The following ZBTB46 variants were observed in gnomAD, a reference collection of about 807,000 sequenced individuals.
The protein encoded by ZBTB46 is zinc finger and BTB domain containing 46, also known as zinc finger and BTB domain-containing protein 46.
A neutral mutation model predicts 44.1 loss-of-function variants in ZBTB46; 8 were observed. That is an observed-to-expected ratio of 0.18 (90% CI 0.11 to 0.33). The LOEUF (loss-of-function observed/expected upper bound fraction) is 0.33. ZBTB46 is among the 10% of genes least tolerant of loss of function. The probability of loss-of-function intolerance (pLI) is 1.00; values close to 1 mark genes in which losing one functional copy is unlikely to be tolerated. For synonymous variants in ZBTB46, 409 were observed against 382.3 expected (o/e 1.07, Z -0.81); for missense variants, 651 against 847.7 (o/e 0.77, Z 2.88).
intron 3 of ZBTB46, among the ~76,000 whole-genome samples, chr20:63,755,409 G>T (rs1191776771): frequency 6.6e-6 from 1 of 152,218 alleles, no homozygotes; most frequent in African/African-American, 2.4e-5. Context: ...CCCTTGGCTT[G>T]TGACCGCATC....
At chr20:63,813,931 T>TG (rs1389170261) in intron 1 of ZBTB46, among the ~76,000 whole-genome samples, 1 of 151,738 alleles carries the variant, frequency 6.6e-6, no homozygotes, top group Admixed American at 6.6e-5. Flanking sequence ...TTAAAACACT[T>TG]GAGAGAAAAA....
chr20:63,770,691 G>A (rs1036236803), intron 3 of ZBTB46, among the ~76,000 whole-genome samples: 38 of 152,146 alleles, frequency 2.5e-4, no homozygotes, highest in African/African-American at 9.1e-4. Context: ...GAATTGCCAC[G>A]GCCGGACGCT....
intron 2 of ZBTB46, 136 bp from the exon 3 acceptor site, chr20:63,776,098 G>C: frequency 8.7e-7 from 1 of 1,154,622 alleles, no homozygotes; most frequent in East Asian, 2.8e-5. Context: ...GCCCACCCTG[G>C]GAGCCGGGCA....
chr20:63,798,194 C>G (rs928956524), intron 1 of ZBTB46, among the ~76,000 whole-genome samples: 18 of 152,074 alleles, frequency 1.2e-4, no homozygotes, highest in African/African-American at 4.3e-4. Flanking sequence ...GGAAGGGATC[C>G]AGTTTCAGCT....
chr20:63,751,445 C>T (rs1340382154), intron 4 of ZBTB46, among the ~76,000 whole-genome samples: 1 of 152,150 alleles, frequency 6.6e-6, no homozygotes, highest in African/African-American at 2.4e-5. Context: ...CTGGAGTGGC[C>T]CTTCGCCCAC....
Position 63,790,146 on chromosome 20 carries a change from C to T in ZBTB46, c.612G>A (p.Lys204=), listed in dbSNP as rs781033054. 1 of 1,613,944 alleles carries T rather than the reference C, an allele frequency of 6.2e-7. No homozygotes were observed. The highest frequency in any genetic ancestry group is 1.1e-5 in the South Asian group (1 of 91,078). Residue 204 remains lysine, a synonymous_variant, in exon 2 of 5, where the codon AAG becomes AAA. Coordinates refer to ENST00000245663, the MANE Select transcript of ZBTB46 (RefSeq NM_001369741.1). ...SSYGKEDQEP[K]ADGPDDVSSQ... The stretch of plus-strand genomic sequence containing the variant: ...AAGAAACATCATCAGGGCCATCGGC[C>T]TTGGGCTCCTGATCCTCTTTCCCGT...
chr20:63,761,251 A>G lies in ZBTB46; in HGVS notation c.1223-8390T>C, dbSNP rs1037125173. Among the ~76,000 whole-genome samples, 93 of 137,508 alleles carry G rather than the reference A, an allele frequency of 6.8e-4. 2 individuals are homozygous for G. The highest frequency in any genetic ancestry group is 1.1e-3 in the Non-Finnish European group (67 of 58,774). 90.2% of individuals were successfully genotyped at this position (137,508 alleles called of 152,430 possible). A position where few individuals can be genotyped will look rare whatever the true frequency, so the allele number is the denominator to read the frequency against. On this transcript the variant is annotated intron_variant, in intron 3 of 4. Coordinates refer to ENST00000245663, the MANE Select transcript of ZBTB46 (RefSeq NM_001369741.1). ...TGACCTCAAGTGATTGACGCACTTC[A>G]GCCTCCCAAAGTGCTGGGATTACAG... is the stretch of plus-strand genomic sequence containing the variant.
At position 63,752,985 on chromosome 20, in the gene ZBTB46, G is replaced by A. The variant is rs554832911; in HGVS notation, c.1223-124C>T. 1.8e-6 allele frequency: 2 copies of A among 1,094,288 alleles called. No individual in the cohort carries two copies. The highest frequency in any genetic ancestry group is 1.6e-5 in the South Asian group (1 of 61,066). The allele number at this position is 1,094,288 out of a possible 1,614,324, so 67.8% of individuals were successfully genotyped here. ...GGGCTGTCTCCCACGGCCACCCACT[G>A]GGGGCTGGTCAGCACTGCGACAGGC... On this transcript the variant is annotated intron_variant, in intron 3 of 4. Transcript: ENST00000245663. This position sits in a 1 kb window ranked among gnomAD's most constrained non-coding sequence, Gnocchi z 5.6.
chr20:63,771,726 C>T (rs1466936875), intron 3 of ZBTB46, among the ~76,000 whole-genome samples: 5 of 152,214 alleles, frequency 3.3e-5, no homozygotes, highest in Non-Finnish European at 7.3e-5. Flanking sequence ...GACCACCTGT[C>T]GGGGACAGAA....
At chr20:63,817,543 T>C (rs1282141632) in intron 1 of ZBTB46, among the ~76,000 whole-genome samples, 1 of 151,592 alleles carries the variant, frequency 6.6e-6, no homozygotes, top group Non-Finnish European at 1.5e-5. Flanking sequence ...GGTGAAACCC[T>C]GTACCTACCA....
intron 2 of ZBTB46, among the ~76,000 whole-genome samples, chr20:63,786,510 G>T (rs1451880017): frequency 2.6e-5 from 4 of 152,034 alleles, no homozygotes; most frequent in East Asian, 1.9e-4. Context: ...GAGGTTTTTT[G>T]ATTTGTTTTG....
chr20:63,778,579 G>GC (rs2092443597), intron 2 of ZBTB46, among the ~76,000 whole-genome samples: 1 of 152,154 alleles, frequency 6.6e-6, no homozygotes. Context: ...GGTGGGCAGG[G>GC]CCCCCGTCAG....
intron 1 of ZBTB46, among the ~76,000 whole-genome samples, chr20:63,800,653 G>A (rs539937270): frequency 2.6e-4 from 39 of 152,344 alleles, no homozygotes; most frequent in Admixed American, 2.5e-3. Context: ...CCCCACACTC[G>A]GAGCGGCCCA....
rs1057117341 is a variant in ZBTB46, at chr20:63,767,179, C to T, written c.1222+8499G>A. Among the ~76,000 whole-genome samples the T allele has an allele frequency of 3.9e-5, 6 of 152,136 alleles. No homozygotes were observed. The highest frequency in any genetic ancestry group is 1.4e-4 in the African/African-American group (6 of 41,442). On this transcript the variant is annotated intron_variant, in intron 3 of 4. Coordinates refer to ENST00000245663, the MANE Select transcript of ZBTB46 (RefSeq NM_001369741.1). This position sits in a 1 kb window ranked among gnomAD's most constrained non-coding sequence, Gnocchi z 5.0. ...GCCAGGCACACACCGCCAAGGACGC[C>T]GTGGCAGGCTTTGTCTTTCGATCTC...
intron 1 of ZBTB46, among the ~76,000 whole-genome samples, chr20:63,823,287 G>A (rs1207560262): frequency 6.6e-6 from 1 of 152,108 alleles, no homozygotes; most frequent in Non-Finnish European, 1.5e-5. Context: ...TCGCGCTCAG[G>A]AGTTCAAGAC....
intron 1 of ZBTB46, chr20:63,815,202 T>C (rs1446010374): frequency 1.7e-5 from 4 of 238,620 alleles, no homozygotes; most frequent in Non-Finnish European, 3.4e-5. Context: ...TGGGCGCAGG[T>C]GCAGTGGGCA....
intron 3 of ZBTB46, among the ~76,000 whole-genome samples, chr20:63,774,744 C>T (rs186163621): frequency 6.1e-5 from 9 of 148,512 alleles, no homozygotes; most frequent in African/African-American, 2.2e-4. Context: ...CCCTCTGTCG[C>T]CCCGGCTGGA....
Position 63,746,761 on chromosome 20 carries a change from G to C in ZBTB46, c.*169C>G. ...CCAGAGCACCCCTCTTGCTGGGGTC[G>C]CACCTGCTTAGCCCGCAGGGCTGGT... On this transcript the variant is annotated 3_prime_UTR_variant, in exon 5 of 5. Coordinates refer to ENST00000245663, the MANE Select transcript of ZBTB46 (RefSeq NM_001369741.1). The C allele has an allele frequency of 9.2e-7, 1 of 1,091,778 alleles. No individual in the cohort carries two copies. Among genetic ancestry groups the C allele is most frequent in the Non-Finnish European group, 1.2e-6 (1 of 809,302 alleles). 67.6% of individuals were successfully genotyped at this position (1,091,778 alleles called of 1,614,324 possible).
chr20:63,799,608 A>G (rs566252638), intron 1 of ZBTB46, among the ~76,000 whole-genome samples: 1 of 152,314 alleles, frequency 6.6e-6, no homozygotes, highest in East Asian at 1.9e-4. Flanking sequence ...TCAGCCTCCC[A>G]AAGTGCTGGG....
Sources: allele counts gnomAD v4.1 joint callset (sites outside exome capture counted in the v4.1 genomes callset), GRCh38; gene constraint gnomAD v4.1.1; non-coding constraint Gnocchi (gnomAD v3.1); transcripts MANE v1.5; gene names NCBI Gene and HGNC (gene_info 2026-07-23, HGNC 2026-07-21).